The following NOXO1 variants were observed in gnomAD, a reference collection of about 807,000 sequenced individuals.
NOXO1 encodes NADPH oxidase regulatory protein.
A neutral mutation model predicts 33.3 loss-of-function variants in NOXO1; 38 were observed. The ratio of observed to expected loss-of-function variants is 1.14; its 90% CI spans 0.88 to 1.50. The LOEUF is 1.50. Among genes scored for constraint, NOXO1 ranks in the 40% most tolerant of loss-of-function variants. The probability of loss-of-function intolerance (pLI) is 0.00; values close to 1 mark genes in which losing one functional copy is unlikely to be tolerated. For synonymous variants in NOXO1, 302 were observed against 237.3 expected (o/e 1.27, Z -2.51); for missense variants, 675 against 527.1 (o/e 1.28, Z -2.75).
At chr16:1,979,956 G>T (rs1490633225) in intron 5 of NOXO1, 41 bp downstream of exon 5, 1 of 1,582,306 alleles carries the variant, frequency 6.3e-7, no homozygotes. Flanking sequence ...CTCGGGTCCA[G>T]GAGCAGAGGA....
In NOXO1 at chr16:1,979,056, T is replaced by A; in HGVS notation, c.1112A>T (p.Gln371Leu). ...CCCTCATCGGGATCCTCGCGCTCACTGCTCCGTCGTGGGGTGCGGCACAGA... is the reference window on the plus strand; with the variant it reads ...CCCTCATCGGGATCCTCGCGCTCACAGCTCCGTCGTGGGGTGCGGCACAGA... ...VDSVPHPTTE[Q>L] is the part of the protein sequence containing the mutation. The change falls in exon 8 of 8, where the codon CAG (glutamine) becomes CTG (leucine). Residue 371 changes from glutamine (Q) to leucine (L), a missense_variant. Coordinates refer to ENST00000356120, the MANE Select transcript of NOXO1 (RefSeq NM_172167.3). 6.5e-7 allele frequency: 1 copy of A among 1,544,822 alleles called. No individual in the cohort carries two copies. Among genetic ancestry groups the A allele is most frequent in the African/African-American group, 1.4e-5 (1 of 72,830 alleles).
intron 2 of NOXO1, 103 bp downstream of exon 2, chr16:1,980,836 C>A (rs1396636612): frequency 6.8e-7 from 1 of 1,464,058 alleles, no homozygotes; most frequent in East Asian, 2.4e-5. Flanking sequence ...TCAGCAGGGA[C>A]GAAGGGCCTC....
At chr16:1,980,321 G>A in intron 4 of NOXO1, 46 bp downstream of exon 4, 1 of 1,574,592 alleles carries the variant, frequency 6.4e-7, no homozygotes, top group Non-Finnish European at 8.6e-7. Flanking sequence ...ACCTCTCCCA[G>A]CTCCAAACGC....
Position 1,981,046 on chromosome 16 carries a change from G to C in NOXO1, c.67-27C>G. On this transcript the variant is annotated intron_variant, in intron 1 of 7. Coordinates refer to ENST00000356120, the MANE Select transcript of NOXO1 (RefSeq NM_172167.3). ...TGGGGGACAAAAAGTTGGGAGTGCC[G>C]TGGAGGTGCTGGTCCAGGCACCCCC... 1.2e-6 allele frequency: 2 copies of C among 1,611,398 alleles called. 1 individual carries two copies. Among genetic ancestry groups the C allele is most frequent in the South Asian group, 2.2e-5 (2 of 91,056 alleles).
Position 1,981,269 on chromosome 16 carries a change from C to A in NOXO1, c.-90G>T. 1 of 1,573,602 alleles carries A rather than the reference C, an allele frequency of 6.4e-7. No homozygotes were observed. The highest frequency in any genetic ancestry group is 8.6e-7 in the Non-Finnish European group (1 of 1,161,342). On this transcript the variant is annotated 5_prime_UTR_variant, in exon 1 of 8. Coordinates refer to ENST00000356120, the MANE Select transcript of NOXO1 (RefSeq NM_172167.3). ...AGAGGGCTCTGGGGGACCCAGAAAACCCCCTGGGATAGAATCCTGGCAACA... is the reference window on the plus strand; with the variant it reads ...AGAGGGCTCTGGGGGACCCAGAAAAACCCCTGGGATAGAATCCTGGCAACA...
In NOXO1 at chr16:1,980,079, G is replaced by C. The variant is rs78868281; in HGVS notation, c.504C>G (p.Pro168=). The C allele has an allele frequency of 5.0e-5, 81 of 1,607,924 alleles. No homozygotes were observed. In the East Asian group the frequency reaches 1.7e-3, roughly 35 times the overall value. Residue 168 remains proline, a synonymous_variant, in exon 5 of 8, where the codon CCC becomes CCG. Transcript: ENST00000356120. ...TATCCCGCGTGTCCTGGGTACAGAAGGGCTGCAGGCAGCGCAGGCTCTGAG... is the reference window on the plus strand; with the variant it reads ...TATCCCGCGTGTCCTGGGTACAGAACGGCTGCAGGCAGCGCAGGCTCTGAG... ...LEAQSLRCLQ[P]FCTQDTRDRP...
At chr16:1,981,067 C>G in intron 1 of NOXO1, 47 bp downstream of exon 1, 1 of 1,610,416 alleles carries the variant, frequency 6.2e-7, no homozygotes, top group Admixed American at 1.7e-5. Flanking sequence ...GGTCCAGGCA[C>G]CCCCTTCCTA....
chr16:1,981,246 A>G lies in NOXO1; in HGVS notation c.-67T>C. 6.2e-7 allele frequency: 1 copy of G among 1,605,600 alleles called. No homozygotes were observed. The highest frequency in any genetic ancestry group is 1.7e-5 in the Admixed American group (1 of 59,522). On this transcript the variant is annotated 5_prime_UTR_variant, in exon 1 of 8. Transcript: ENST00000356120. ...ACCCTTCTGCCTCCCCGTGCTTGAG[A>G]GGGCTCTGGGGGACCCAGAAAACCC...
chr16:1,980,057 C>A lies in NOXO1; in HGVS notation c.526G>T (p.Asp176Tyr), dbSNP rs779787770. 2 of 1,607,434 alleles carry A rather than the reference C, an allele frequency of 1.2e-6. No homozygotes were observed. Among genetic ancestry groups the A allele is most frequent in the South Asian group, 1.1e-5 (1 of 90,024 alleles). The change falls in exon 5 of 8, where the codon GAT becomes TAT. Residue 176 changes from aspartate (D) to tyrosine (Y), a missense_variant. Physicochemically the swap from Asp to Tyr is radical, Grantham distance 160. Transcript: ENST00000356120. ...LQPFCTQDTRDRPFQAQAQES... is the reference protein window; with the variant it reads ...LQPFCTQDTRYRPFQAQAQES... ...TGGGCCTGCGCCTGAAAAGGCCTAT[C>A]CCGCGTGTCCTGGGTACAGAAGGGC...
Position 1,979,895 on chromosome 16 carries a change from G to C in NOXO1, c.595C>G (p.Leu199Val), listed in dbSNP as rs1227203287. The C allele has an allele frequency of 1.3e-6, 2 of 1,583,662 alleles. No homozygotes were observed. Among genetic ancestry groups the C allele is most frequent in the Admixed American group, 1.8e-5 (1 of 55,774 alleles). Residue 199 changes from leucine (L) to valine (V), a missense_variant, in exon 6 of 8, where the codon CTG (leucine) becomes GTG (valine). Leu to Val is a conservative substitution (Grantham distance 32). Transcript: ENST00000356120. ...GTCTGCCGGTCTTCGTTCTCCACCA[G>C]CCACCAGCCTGTGCGCAAGAAGCGG... is the stretch of plus-strand genomic sequence containing the variant. ...VLLRHPSGWWLVENEDRQTAW... is the reference protein window; with the variant it reads ...VLLRHPSGWWVVENEDRQTAW...
Position 1,979,992 on chromosome 16 carries a change from C to A in NOXO1, c.586+5G>T. ...GCAAATCCCTGGGTTCTTGGGGGGC[C>A]CTACCTGAGGGGTGCCGCAGCAGCA... On this transcript the variant is annotated splice_donor_5th_base_variant and intron_variant, in intron 5 of 7. Coordinates refer to ENST00000356120, the MANE Select transcript of NOXO1 (RefSeq NM_172167.3). 6.3e-7 allele frequency: 1 copy of A among 1,599,382 alleles called. No individual in the cohort carries two copies. The highest frequency in any genetic ancestry group is 8.5e-7 in the Non-Finnish European group (1 of 1,174,134).
At chr16:1,980,598 C>A in intron 3 of NOXO1, 54 bp from the exon 4 acceptor site, 1 of 1,590,874 alleles carries the variant, frequency 6.3e-7, no homozygotes, top group Non-Finnish European at 8.6e-7. Flanking sequence ...TTCACTGGTC[C>A]CTGGCGCCCC....
rs1269708242 is a variant in NOXO1, at chr16:1,979,273, C to T, written c.895G>A (p.Gly299Arg). 4 of 1,548,362 alleles carry T rather than the reference C, an allele frequency of 2.6e-6. No individual in the cohort carries two copies. Among genetic ancestry groups the T allele is most frequent in the Non-Finnish European group, 3.5e-6 (4 of 1,154,802 alleles). Residue 299 changes from glycine (G) to arginine (R), a missense_variant, in exon 8 of 8, where the codon GGG becomes AGG. By Grantham distance (125) the Gly-to-Arg change is moderately radical. Coordinates refer to ENST00000356120, the MANE Select transcript of NOXO1 (RefSeq NM_172167.3). ...EGLGALLSGT[G>R]FRGGDDPAGE... ...GCCGGGTCGTCTCCTCCACGGAACC[C>T]CGTCCCGCTCAGGAGAGCGCCCAGC...
chr16:1,979,558 G>A lies in NOXO1; in HGVS notation c.701-16C>T. On this transcript the variant is annotated splice_polypyrimidine_tract_variant and intron_variant, in intron 6 of 7. Transcript: ENST00000356120. ...AACTGGGGACCTGGTGGGAGTGGGT[G>A]TTTGGAGTCACCGCGGGGCCACAGA... is the stretch of plus-strand genomic sequence containing the variant. The A allele has an allele frequency of 6.3e-7, 1 of 1,594,442 alleles. No individual in the cohort carries two copies. The highest frequency in any genetic ancestry group is 1.1e-5 in the South Asian group (1 of 89,704).
In NOXO1 at chr16:1,980,708, C is replaced by G. The variant is rs750823818; in HGVS notation, c.171G>C (p.Pro57=). ...ATCTCCGCAGCAGGCCCGCCTCCACCGGGAAGGTCTCCTTGAGGGTCTTCT... is the reference window on the plus strand; with the variant it reads ...ATCTCCGCAGCAGGCCCGCCTCCACGGGGAAGGTCTCCTTGAGGGTCTTCT... ...QLKKTLKETF[P]VEAGLLRRSD... The change falls in exon 3 of 8, where the codon CCG becomes CCC. Residue 57 remains proline, a synonymous_variant. Coordinates refer to ENST00000356120, the MANE Select transcript of NOXO1 (RefSeq NM_172167.3). 3 of 1,605,548 alleles carry G rather than the reference C, an allele frequency of 1.9e-6. No individual in the cohort carries two copies. The highest frequency in any genetic ancestry group is 1.1e-5 in the South Asian group (1 of 89,678).
chr16:1,980,596 T>A, intron 3 of NOXO1, 52 bp from the exon 4 acceptor site: 13 of 1,591,854 alleles, frequency 8.2e-6, no homozygotes, highest in Non-Finnish European at 1.1e-5. Flanking sequence ...GCTTCACTGG[T>A]CCCTGGCGCC....
Position 1,980,353 on chromosome 16 carries a change from G to A in NOXO1, c.401+14C>T. On this transcript the variant is annotated intron_variant, in intron 4 of 7. Coordinates refer to ENST00000356120, the MANE Select transcript of NOXO1 (RefSeq NM_172167.3). ...ACGCCGCTGCATGCTGGGAGTTTGG[G>A]GCGAGTCAGGCACCTGCCGGGTGGC... The A allele has an allele frequency of 6.3e-7, 1 of 1,595,896 alleles. No individual in the cohort carries two copies. Among genetic ancestry groups the A allele is most frequent in the Non-Finnish European group, 8.5e-7 (1 of 1,176,538 alleles).
At position 1,979,150 on chromosome 16, in the gene NOXO1, A is replaced by G. The variant is rs888108023; in HGVS notation, c.1018T>C (p.Cys340Arg). 3 of 1,465,260 alleles carry G rather than the reference A, an allele frequency of 2.0e-6. No individual in the cohort carries two copies. The highest frequency in any genetic ancestry group is 2.7e-6 in the Non-Finnish European group (3 of 1,119,476). The allele number at this position is 1,465,260 out of a possible 1,614,324, so 90.8% of individuals were successfully genotyped here. A position where few individuals can be genotyped will look rare whatever the true frequency, so the allele number is the denominator to read the frequency against. ...TCCAGGGCCCTGCGTGTGACGGTGC[A>G]GCAGCGGCTCTGGATGGCGCCCGGC... Reference protein sequence around the residue: ...PSPGAIQSRCCTVTRRALERR... With the variant: ...PSPGAIQSRCRTVTRRALERR... The change falls in exon 8 of 8, where the codon TGC becomes CGC. Residue 340 changes from cysteine to arginine, a missense_variant. Cys to Arg is a radical substitution (Grantham distance 180). Transcript: ENST00000356120.
rs2083449579 is a variant in NOXO1, at chr16:1,979,420, C to T, written c.818+5G>A. 6.2e-7 allele frequency: 1 copy of T among 1,606,870 alleles called. No homozygotes were observed. The highest frequency in any genetic ancestry group is 8.5e-7 in the Non-Finnish European group (1 of 1,178,578). On this transcript the variant is annotated splice_donor_5th_base_variant and intron_variant, in intron 7 of 7. Transcript: ENST00000356120. ...CCTGCCCTGCCCACGCCCGCTCCCG[C>T]GTACCTGCATAGCCACCAGCCGCGG...
Sources: gnomAD v4.1 joint callset for allele counts on GRCh38, gnomAD v4.1.1 for gene constraint, MANE v1.5 for transcripts, NCBI Gene and HGNC (gene_info 2026-07-23, HGNC 2026-07-21) for gene names.